Variants in METAP1D observed in about 807,000 individuals in gnomAD.
METAP1D encodes methionyl aminopeptidase type 1D, mitochondrial.
In METAP1D, 31 loss-of-function variants were observed where a neutral mutation model predicts 40.5. The observed-to-expected ratio is 0.77, with a 90% CI of 0.58 to 1.03. The LOEUF (loss-of-function observed/expected upper bound fraction) is 1.03. Ranked by LOEUF, METAP1D falls within the 50% of genes least tolerant of loss-of-function variation. METAP1D has a pLI of 0.00. For synonymous variants in METAP1D, 151 were observed against 146.4 expected (o/e 1.03, Z -0.22); for missense variants, 411 against 420.7 (o/e 0.98, Z 0.20).
At chr2:172,033,148 C>A (rs1689278312) in intron 1 of METAP1D, among the ~76,000 whole-genome samples, 1 of 151,132 alleles carries the variant, frequency 6.6e-6, no homozygotes, top group African/African-American at 2.4e-5. Flanking sequence ...ACAGGAAATA[C>A]AAAGGACAGA....
At chr2:172,060,832 G>A (rs1486694401) in intron 1 of METAP1D, among the ~76,000 whole-genome samples, 2 of 152,214 alleles carry the variant, frequency 1.3e-5, no homozygotes, top group African/African-American at 4.8e-5. Context: ...CATAGTGTCT[G>A]CAGGATAAAG....
chr2:172,012,430 C>T (rs777039125), intron 1 of METAP1D, among the ~76,000 whole-genome samples: 14 of 152,074 alleles, frequency 9.2e-5, no homozygotes, highest in Admixed American at 7.9e-4. Flanking sequence ...TAGATAGCAA[C>T]GTGATGGCTT....
At chr2:172,063,250 C>T (rs1017238961) in intron 2 of METAP1D, among the ~76,000 whole-genome samples, 2 of 152,048 alleles carry the variant, frequency 1.3e-5, no homozygotes, top group African/African-American at 4.8e-5. Flanking sequence ...TGATAGTCAG[C>T]CTTTTTACAT....
chr2:172,040,396 A>G (rs1689490221), intron 1 of METAP1D, among the ~76,000 whole-genome samples: 1 of 152,130 alleles, frequency 6.6e-6, no homozygotes, highest in African/African-American at 2.4e-5. Flanking sequence ...TTTTCTGTCA[A>G]CTATATGGCA....
At chr2:172,036,182 T>G (rs915559251) in intron 1 of METAP1D, among the ~76,000 whole-genome samples, 14 of 150,836 alleles carry the variant, frequency 9.3e-5, no homozygotes, top group African/African-American at 2.2e-4. Context: ...CTGGGCGTGG[T>G]GGCGGGTGCC....
chr2:172,024,466 A>C (rs1163266862), intron 1 of METAP1D, among the ~76,000 whole-genome samples: 1 of 152,126 alleles, frequency 6.6e-6, no homozygotes, highest in African/African-American at 2.4e-5. Flanking sequence ...AATTCTGAGA[A>C]ACCCAAACCA....
rs538237699 is a variant in METAP1D at position 172,080,914 on chromosome 2, A to G, written c.*508A>G. ...TATTCCATATTGGCCGGCCCCAAGG[A>G]TGCTCGCAGAAGCCAGCCCCCAACC... On this transcript the variant is annotated 3_prime_UTR_variant, in exon 10 of 10. Transcript: ENST00000315796. 15 of 165,614 alleles carry G rather than the reference A, an allele frequency of 9.1e-5. No individual in the cohort carries two copies. Among genetic ancestry groups the G allele is most frequent in the Non-Finnish European group, 1.6e-4 (12 of 75,724 alleles). The allele number at this position is 165,614 out of a possible 1,614,324, so 10.3% of individuals were successfully genotyped here.
At chr2:172,009,279 G>A (rs1688657694) in intron 1 of METAP1D, among the ~76,000 whole-genome samples, 1 of 151,976 alleles carries the variant, frequency 6.6e-6, no homozygotes, top group Non-Finnish European at 1.5e-5. Context: ...TCCTGACCTC[G>A]TGGTCCGCCC....
intron 1 of METAP1D, among the ~76,000 whole-genome samples, chr2:172,002,384 A>C (rs1688487750): frequency 6.6e-6 from 1 of 152,232 alleles, no homozygotes. Context: ...AACTGTATAT[A>C]TAACATCTCT....
chr2:172,014,326 G>T (rs1015127635), intron 1 of METAP1D, among the ~76,000 whole-genome samples: 2 of 152,058 alleles, frequency 1.3e-5, no homozygotes, highest in African/African-American at 4.8e-5. Context: ...TGGCCAGGCT[G>T]GTCTTGCACT....
chr2:172,076,525 G>A (rs1033044851), intron 6 of METAP1D, among the ~76,000 whole-genome samples: 7 of 152,172 alleles, frequency 4.6e-5, no homozygotes, highest in East Asian at 1.9e-4. Context: ...TTGACTTACC[G>A]TTCCTGTCCT....
intron 5 of METAP1D, 36 bp downstream of exon 5, chr2:172,066,342 C>G (rs2105483139): frequency 6.5e-7 from 1 of 1,539,258 alleles, no homozygotes; most frequent in South Asian, 1.1e-5. Context: ...CTTTGATCAA[C>G]TTCAGAATTG....
chr2:172,077,334 A>G (rs1690570649), intron 6 of METAP1D, among the ~76,000 whole-genome samples: 1 of 152,246 alleles, frequency 6.6e-6, no homozygotes, highest in Non-Finnish European at 1.5e-5. Context: ...ATAGAAGTAG[A>G]AAGTCATATT....
chr2:172,039,121 C>T (rs76104672), intron 1 of METAP1D, among the ~76,000 whole-genome samples: 4,846 of 152,222 alleles, frequency 0.032, 123 homozygotes, highest in Admixed American at 0.073. Flanking sequence ...ATCTACTTGC[C>T]ACCTAAGGTT....
chr2:172,067,519 A>G (rs1690312644), intron 5 of METAP1D, among the ~76,000 whole-genome samples: 1 of 152,222 alleles, frequency 6.6e-6, no homozygotes, highest in Non-Finnish European at 1.5e-5. Context: ...ACTCAGAATC[A>G]TGTGGAAGGA....
rs552895446 is a variant in METAP1D, at chr2:172,052,401, CT to C, written c.41-9094del. On this transcript the variant is annotated intron_variant, in intron 1 of 9. Coordinates refer to ENST00000315796, the MANE Select transcript of METAP1D (RefSeq NM_199227.3). ...GAAAGCATCTGGGGAAAAGGAGGCT[CT>C]TTACCAGCTTGTTTCCTGTAAGTTC... 2.4e-4 allele frequency among the ~76,000 whole-genome samples: 37 copies of C among 152,310 alleles called. No individual in the cohort carries two copies. The East Asian group carries it at 6.9e-3, about 29-fold the overall frequency.
Position 172,082,295 on chromosome 2 carries a change from C to G in METAP1D, c.*1889C>G, listed in dbSNP as rs1262912577. Reference sequence around the variant, plus strand: ...GCAAATCAGTTTACTCCGAGGTTCCCCAAGGATAGTTTTATTAGGACCACA... The same window carrying G: ...GCAAATCAGTTTACTCCGAGGTTCCGCAAGGATAGTTTTATTAGGACCACA... On this transcript the variant is annotated 3_prime_UTR_variant, in exon 10 of 10. Coordinates refer to ENST00000315796, the MANE Select transcript of METAP1D (RefSeq NM_199227.3). 6.6e-6 allele frequency: 1 copy of G among 152,198 alleles called. No homozygotes were observed. The highest frequency in any genetic ancestry group is 1.5e-5 in the Non-Finnish European group (1 of 68,046). 9.4% of individuals were successfully genotyped at this position (152,198 alleles called of 1,614,324 possible).
At chr2:172,005,520 T>TTATATATATATATC in intron 1 of METAP1D, among the ~76,000 whole-genome samples, 2 of 110,950 alleles carry the variant, frequency 1.8e-5, no homozygotes, top group Non-Finnish European at 3.6e-5. Flanking sequence ...TGTCTGTATT[T>TTATATATATATATC]TATATATATA....
chr2:172,028,118 G>A (rs59096259), intron 1 of METAP1D, among the ~76,000 whole-genome samples: 112 of 152,290 alleles, frequency 7.4e-4, no homozygotes, highest in African/African-American at 2.6e-3. Flanking sequence ...AGAAACGTGC[G>A]TTTAGGGAAA....
Sources: gnomAD v4.1 joint callset for allele counts (sites outside exome capture counted in the v4.1 genomes callset) on GRCh38, gnomAD v4.1.1 for gene constraint, MANE v1.5 for transcripts, NCBI Gene and HGNC (gene_info 2026-07-23, HGNC 2026-07-21) for gene names.